The following SH3RF3 variants were observed in gnomAD, a reference collection of about 807,000 sequenced individuals.
SH3RF3 encodes the protein SH3 domain containing ring finger 3.
A neutral mutation model predicts 66.3 loss-of-function variants in SH3RF3; 29 were observed. That is an observed-to-expected ratio of 0.44 (90% CI 0.33 to 0.60). The LOEUF is 0.60. Among genes scored for constraint, SH3RF3 ranks in the 20% least tolerant of loss-of-function variants. SH3RF3 has a pLI of 0.04. For synonymous variants in SH3RF3, 583 were observed against 532.0 expected, an observed-to-expected ratio of 1.10 and a Z score of -1.32; for missense variants, 1,194 against 1,190.9, an observed-to-expected ratio of 1.00 and a Z score of -0.04.
chr2:109,318,730 CA>C (rs1681946492), intron 1 of SH3RF3, among the ~76,000 whole-genome samples: 1 of 152,166 alleles, frequency 6.6e-6, no homozygotes. Context: ...GGCCAGCCGC[CA>C]GATACTGACC....
intron 1 of SH3RF3, among the ~76,000 whole-genome samples, chr2:109,189,377 TTTTTC>T (rs1205000930): frequency 5.0e-4 from 76 of 151,212 alleles, no homozygotes; most frequent in African/African-American, 1.7e-3. Flanking sequence ...CTTTTTTTTT[TTTTTC>T]TTTTTTTTGA....
intron 2 of SH3RF3, among the ~76,000 whole-genome samples, chr2:109,357,950 C>T (rs1275067597): frequency 6.6e-6 from 1 of 152,178 alleles, no homozygotes; most frequent in Non-Finnish European, 1.5e-5. Flanking sequence ...TATAGTCACT[C>T]TTGGTGCAGA....
chr2:109,430,089 T>G (rs919747721), intron 5 of SH3RF3, among the ~76,000 whole-genome samples: 1 of 152,174 alleles, frequency 6.6e-6, no homozygotes, highest in Non-Finnish European at 1.5e-5. Flanking sequence ...GTTCTGAGCC[T>G]GCCTTGGCAG....
rs181113716 is a variant in SH3RF3 at position 109,254,360 on chromosome 2, C to A, written c.574-93314C>A. On this transcript the variant is annotated intron_variant, in intron 1 of 9. Transcript: ENST00000309415. ...TATAATCCTGTGCAAGTTGGCCTCT[C>A]TGTGCCTCAGTTTCCCCATCTGTAA... Among the ~76,000 whole-genome samples the A allele has an allele frequency of 3.3e-5, 5 of 152,282 alleles. No homozygotes were observed. In the East Asian group the frequency reaches 9.7e-4, roughly 29 times the overall value.
intron 1 of SH3RF3, among the ~76,000 whole-genome samples, chr2:109,150,706 G>A (rs971444238): frequency 6.6e-6 from 1 of 152,112 alleles, no homozygotes; most frequent in Non-Finnish European, 1.5e-5. Flanking sequence ...TTGGTGCGAT[G>A]AGCCTCATTT....
In SH3RF3 at chr2:109,453,081, G is replaced by A. The variant is rs183768412; in HGVS notation, c.2148+3592G>A. Among the ~76,000 whole-genome samples the A allele has an allele frequency of 1.9e-3, 291 of 152,298 alleles. 1 individual carries two copies. Among genetic ancestry groups the A allele is most frequent in the Admixed American group, 3.3e-3 (50 of 15,298 alleles). Reference sequence around the variant, plus strand: ...TGGGCCTTTGAGCTCTGTTCCCTGCGTGGCCCGATGTGGTGTGCAGGCCTC... The same window carrying A: ...TGGGCCTTTGAGCTCTGTTCCCTGCATGGCCCGATGTGGTGTGCAGGCCTC... On this transcript the variant is annotated intron_variant, in intron 8 of 9. Transcript: ENST00000309415.
chr2:109,300,179 T>C (rs1396474300), intron 1 of SH3RF3, among the ~76,000 whole-genome samples: 1 of 151,978 alleles, frequency 6.6e-6, no homozygotes, highest in Non-Finnish European at 1.5e-5. Context: ...TGAGATATGC[T>C]CTCGAGAGGG....
chr2:109,168,573 G>A lies in SH3RF3; in HGVS notation c.573+38460G>A, dbSNP rs963945460. Among the ~76,000 whole-genome samples, 5 of 152,130 alleles carry A rather than the reference G, an allele frequency of 3.3e-5. No homozygotes were observed. The East Asian group carries it at 5.8e-4, about 18-fold the overall frequency. ...TAGTCTCTTCCTACTTCTAATCTTC[G>A]GACTGTAATGTTGCCCAGACTGACT... On this transcript the variant is annotated intron_variant, in intron 1 of 9. Coordinates refer to ENST00000309415, the MANE Select transcript of SH3RF3 (RefSeq NM_001099289.3).
chr2:109,352,776 C>G (rs1682868006), intron 2 of SH3RF3, among the ~76,000 whole-genome samples: 1 of 152,226 alleles, frequency 6.6e-6, no homozygotes, highest in South Asian at 2.1e-4. Context: ...GAAGGAGGCT[C>G]AACTCGCAGG....
chr2:109,209,694 T>C (rs962707997), intron 1 of SH3RF3, among the ~76,000 whole-genome samples: 1 of 152,078 alleles, frequency 6.6e-6, no homozygotes, highest in African/African-American at 2.4e-5. Flanking sequence ...AAAGCATGAG[T>C]CACTACAAAA....
intron 1 of SH3RF3, among the ~76,000 whole-genome samples, chr2:109,318,474 T>A (rs955738320): frequency 2.0e-5 from 3 of 152,184 alleles, no homozygotes; most frequent in Non-Finnish European, 4.4e-5. Context: ...CATACGCGTT[T>A]ATCTGAGTGA....
intron 1 of SH3RF3, among the ~76,000 whole-genome samples, chr2:109,297,534 G>T (rs1294011472): frequency 6.7e-6 from 1 of 150,192 alleles, no homozygotes; most frequent in Non-Finnish European, 1.5e-5. Flanking sequence ...TCCCACCCAG[G>T]CCAGTGCCCC....
At chr2:109,382,748 C>T (rs1675727445) in intron 3 of SH3RF3, among the ~76,000 whole-genome samples, 1 of 152,232 alleles carries the variant, frequency 6.6e-6, no homozygotes, top group African/African-American at 2.4e-5. Context: ...CAAGCCCCAT[C>T]CAGGGCCCGC....
Position 109,490,934 on chromosome 2 carries a change from G to T in SH3RF3, c.2478G>T (p.Glu826Asp), listed in dbSNP as rs1484738857. 8.0e-6 allele frequency: 12 copies of T among 1,493,434 alleles called. No individual in the cohort carries two copies. The highest frequency in any genetic ancestry group is 1.1e-5 in the Non-Finnish European group (12 of 1,121,042). 92.5% of individuals were successfully genotyped at this position (1,493,434 alleles called of 1,614,324 possible). The change falls in exon 9 of 10, where the codon GAG (glutamate) becomes GAT (aspartate). Residue 826 changes from glutamate (E) to aspartate (D), a missense_variant and splice_region_variant. By Grantham distance (45) the Glu-to-Asp change is conservative. Coordinates refer to ENST00000309415, the MANE Select transcript of SH3RF3 (RefSeq NM_001099289.3). ...CCGAGCCCAAGCTGTTGCCCAGAGA[G>T]AGGTAAGTGCAGGGGCTTGTCTGCT... Reference protein sequence around the residue: ...IRPEPKLLPRERYRVVVSYPP... With the variant: ...IRPEPKLLPRDRYRVVVSYPP...
chr2:109,299,557 A>G (rs1417191962), intron 1 of SH3RF3, among the ~76,000 whole-genome samples: 1 of 152,138 alleles, frequency 6.6e-6, no homozygotes, highest in Non-Finnish European at 1.5e-5. Context: ...CAGGGGAGTC[A>G]CCAAGCATCA....
chr2:109,130,047 G>A lies in SH3RF3; in HGVS notation c.507G>A (p.Ala169=). The change falls in exon 1 of 10, where the codon GCG becomes GCA. Residue 169 remains alanine, a synonymous_variant. Transcript: ENST00000309415. ...STPGSPVFLS[A]AAGSTAGSLR... ...CGGGTTCCCCGGTTTTCCTCTCCGCGGCCGCGGGCAGCACCGCCGGCAGTC... is the reference window on the plus strand; with the variant it reads ...CGGGTTCCCCGGTTTTCCTCTCCGCAGCCGCGGGCAGCACCGCCGGCAGTC... The A allele has an allele frequency of 7.3e-7, 1 of 1,360,544 alleles. No individual in the cohort carries two copies. Among genetic ancestry groups the A allele is most frequent in the Non-Finnish European group, 9.4e-7 (1 of 1,059,030 alleles). 84.3% of individuals were successfully genotyped at this position (1,360,544 alleles called of 1,614,324 possible).
At chr2:109,238,498 T>TGTGA (rs1558974739) in intron 1 of SH3RF3, among the ~76,000 whole-genome samples, 4 of 131,438 alleles carry the variant, frequency 3.0e-5, no homozygotes, top group African/African-American at 1.1e-4. Flanking sequence ...TGTGTGTGTG[T>TGTGA]GAGAGTGAGA....
intron 1 of SH3RF3, among the ~76,000 whole-genome samples, chr2:109,287,796 G>A (rs1010568237): frequency 9.2e-5 from 14 of 152,214 alleles, no homozygotes; most frequent in South Asian, 4.1e-4. Context: ...TTAAAGCTTC[G>A]CACTGTTGCC....
chr2:109,327,070 A>G (rs1421559982), intron 1 of SH3RF3, among the ~76,000 whole-genome samples: 1 of 152,246 alleles, frequency 6.6e-6, no homozygotes, highest in African/African-American at 2.4e-5. Context: ...TTTTAAAAAC[A>G]TTTAAATGTT....
Sources: gnomAD v4.1 joint callset for allele counts (sites outside exome capture counted in the v4.1 genomes callset) on GRCh38, gnomAD v4.1.1 for gene constraint, MANE v1.5 for transcripts, NCBI Gene and HGNC (gene_info 2026-07-23, HGNC 2026-07-21) for gene names.